The following DNAJC27 variants were observed in gnomAD, a reference collection of about 807,000 sequenced individuals.
DNAJC27 encodes dnaJ homolog subfamily C member 27.
A neutral mutation model predicts 31.4 loss-of-function variants in DNAJC27; 25 were observed. That is an observed-to-expected ratio of 0.80 (90% CI 0.58 to 1.11). The LOEUF is 1.11. Among genes scored for constraint, DNAJC27 ranks in the 50% most tolerant of loss-of-function variants. The pLI is 0.00. For missense variants in DNAJC27, 356 were observed against 347.3 expected (o/e 1.02, Z -0.20); for synonymous variants, 106 against 112.7 (o/e 0.94, Z 0.37).
chr2:24,957,075 G>T lies in DNAJC27; in HGVS notation c.496C>A (p.Gln166Lys). ...ATCTCATTAATGCCTTCTCCAGTTTGTGCTGAAGTTTCAAAGTACAGGAAC... is the reference window on the plus strand; with the variant it reads ...ATCTCATTAATGCCTTCTCCAGTTTTTGCTGAAGTTTCAAAGTACAGGAAC... Reference protein sequence around the residue: ...KGFLYFETSAQTGEGINEMFQ... With the variant: ...KGFLYFETSAKTGEGINEMFQ... Residue 166 changes from glutamine to lysine, a missense_variant, in exon 5 of 7, where the codon CAA becomes AAA. Physicochemically the swap from Gln to Lys is moderately conservative, Grantham distance 53. Coordinates refer to ENST00000264711, the MANE Select transcript of DNAJC27 (RefSeq NM_016544.3). 6.2e-7 allele frequency: 1 copy of T among 1,610,008 alleles called. No homozygotes were observed. Among genetic ancestry groups the T allele is most frequent in the African/African-American group, 1.3e-5 (1 of 74,766 alleles).
intron 2 of DNAJC27, among the ~76,000 whole-genome samples, chr2:24,964,735 TA>T (rs1244979662): frequency 6.6e-6 from 1 of 152,210 alleles, no homozygotes; most frequent in African/African-American, 2.4e-5. Context: ...AGAAACAAAA[TA>T]GTCTGTTGAC....
chr2:24,964,919 A>C (rs1243699404), intron 2 of DNAJC27, among the ~76,000 whole-genome samples: 1 of 152,138 alleles, frequency 6.6e-6, no homozygotes, highest in Non-Finnish European at 1.5e-5. Flanking sequence ...AAGAAAGGTA[A>C]ATTTCAGGCT....
At chr2:24,967,156 T>G in intron 2 of DNAJC27, 55 bp downstream of exon 2, 2 of 1,371,292 alleles carry the variant, frequency 1.5e-6, no homozygotes, top group Non-Finnish European at 2.1e-6. Context: ...TGGATCATTT[T>G]GGAAAGTTCT....
rs1665588486 is a variant in DNAJC27 at position 24,944,073 on chromosome 2, T to G, written c.*3543A>C. 1 of 152,248 alleles carries G rather than the reference T, an allele frequency of 6.6e-6. No individual in the cohort carries two copies. Among genetic ancestry groups the G allele is most frequent in the Admixed American group, 6.5e-5 (1 of 15,282 alleles). The allele number at this position is 152,248 out of a possible 1,614,324, so 9.4% of individuals were successfully genotyped here. A position where few individuals can be genotyped will look rare whatever the true frequency, so the allele number is the denominator to read the frequency against. ...ATACCAATTATGAGAAGTACGAACC[T>G]CTCTTCACTTTGCAAAGCTTGCAAT... On this transcript the variant is annotated 3_prime_UTR_variant, in exon 7 of 7. Coordinates refer to ENST00000264711, the MANE Select transcript of DNAJC27 (RefSeq NM_016544.3).
Position 24,971,822 on chromosome 2 carries a change from C to A in DNAJC27, c.83G>T (p.Gly28Val), listed in dbSNP as rs1666348821. Reference protein sequence around the residue: ...KVISMGNAEVGKSCIIKRYCE... With the variant: ...KVISMGNAEVVKSCIIKRYCE... ...CTCCCGGCTCGCTGTACTCACTTTCCCCACTTCGGCGTTGCCCATGGAGAT... is the reference window on the plus strand; with the variant it reads ...CTCCCGGCTCGCTGTACTCACTTTCACCACTTCGGCGTTGCCCATGGAGAT... Residue 28 changes from glycine to valine, a missense_variant, in exon 1 of 7, where the codon GGG (glycine) becomes GTG (valine). Transcript: ENST00000264711. 6.2e-7 allele frequency: 1 copy of A among 1,608,722 alleles called. No individual in the cohort carries two copies. Among genetic ancestry groups the A allele is most frequent in the Non-Finnish European group, 8.5e-7 (1 of 1,178,170 alleles).
chr2:24,949,931 A>G (rs1209770676), intron 6 of DNAJC27, among the ~76,000 whole-genome samples: 3 of 150,866 alleles, frequency 2.0e-5, no homozygotes, highest in African/African-American at 7.3e-5. Context: ...CTGAAACCCT[A>G]CTGGCTTTTT....
intron 5 of DNAJC27, among the ~76,000 whole-genome samples, chr2:24,954,453 A>T (rs977417305): frequency 6.6e-6 from 1 of 152,346 alleles, no homozygotes; most frequent in African/African-American, 2.4e-5. Context: ...AGCTGACAAG[A>T]TCTGCAAAAG....
intron 6 of DNAJC27, 75 bp from the exon 7 acceptor site, chr2:24,947,823 C>G (rs1665683215): frequency 5.9e-6 from 9 of 1,513,730 alleles, no homozygotes; most frequent in Non-Finnish European, 8.1e-6. Flanking sequence ...TTTGGACACA[C>G]ATAGTATCTC....
In DNAJC27 at chr2:24,971,926, AC is replaced by A. The variant is rs2149134913; in HGVS notation, c.-23del. The stretch of plus-strand genomic sequence containing the variant: ...CCATGGCCCTGGCTCTCTCGGGGCC[AC>A]CCGCCTCGGTCTCTTCTTGTGCACC... On this transcript the variant is annotated 5_prime_UTR_variant, in exon 1 of 7. Transcript: ENST00000264711. 6.5e-7 allele frequency: 1 copy of A among 1,532,376 alleles called. No homozygotes were observed. Among genetic ancestry groups the A allele is most frequent in the East Asian group, 2.5e-5 (1 of 39,318 alleles). The allele number at this position is 1,532,376 out of a possible 1,614,324, so 94.9% of individuals were successfully genotyped here.
At chr2:24,961,577 G>C (rs182971633) in intron 3 of DNAJC27, among the ~76,000 whole-genome samples, 1 of 151,806 alleles carries the variant, frequency 6.6e-6, no homozygotes, top group Non-Finnish European at 1.5e-5. Context: ...AAGAACATTC[G>C]TGATTCAGGG....
In DNAJC27 at chr2:24,957,104, T is replaced by C; in HGVS notation, c.467A>G (p.Lys156Arg). The change falls in exon 5 of 7, where the codon AAA (lysine) becomes AGA (arginine). Residue 156 changes from lysine (K) to arginine (R), a missense_variant. Coordinates refer to ENST00000264711, the MANE Select transcript of DNAJC27 (RefSeq NM_016544.3). ...ESEGRLWAES[K>R]GFLYFETSAQ... is the part of the protein sequence containing the mutation. ...TGAAGTTTCAAAGTACAGGAACCCT[T>C]TGCTTTCAGCCCAAAGACGTCCTTC... 6.2e-7 allele frequency: 1 copy of C among 1,610,672 alleles called. No individual in the cohort carries two copies. Among genetic ancestry groups the C allele is most frequent in the South Asian group, 1.1e-5 (1 of 90,490 alleles).
chr2:24,969,100 T>C (rs1573120280), intron 1 of DNAJC27: 1 of 179,620 alleles, frequency 5.6e-6, no homozygotes, highest in Admixed American at 5.7e-5. Context: ...AATAACTACT[T>C]CTTAATTAAA....
chr2:24,966,449 T>C (rs1156356792), intron 2 of DNAJC27, among the ~76,000 whole-genome samples: 1 of 152,148 alleles, frequency 6.6e-6, no homozygotes, highest in East Asian at 1.9e-4. Context: ...CAACTTTACT[T>C]TTCCCAATTC....
chr2:24,971,912 GCT>G lies in DNAJC27; in HGVS notation c.-10_-9del, dbSNP rs2149134885. On this transcript the variant is annotated 5_prime_UTR_variant, in exon 1 of 7. Coordinates refer to ENST00000264711, the MANE Select transcript of DNAJC27 (RefSeq NM_016544.3). ...CGGCATGTTGGCCTCCATGGCCCTG[GCT>G]CTCTCGGGGCCACCCGCCTCGGTCT... 1 of 1,575,808 alleles carries G rather than the reference GCT, an allele frequency of 6.3e-7. No individual in the cohort carries two copies. The highest frequency in any genetic ancestry group is 1.8e-5 in the Admixed American group (1 of 55,584).
chr2:24,968,463 C>A (rs1233598453), intron 1 of DNAJC27, among the ~76,000 whole-genome samples: 2 of 151,692 alleles, frequency 1.3e-5, no homozygotes, highest in East Asian at 3.8e-4. Flanking sequence ...AAAAGTTACA[C>A]TTAAATCTTT....
chr2:24,958,992 G>A (rs757577595), intron 3 of DNAJC27, among the ~76,000 whole-genome samples: 3 of 152,170 alleles, frequency 2.0e-5, no homozygotes, highest in Non-Finnish European at 4.4e-5. Flanking sequence ...TCTGGGCATA[G>A]GCAGATATCT....
rs1665970331 is a variant in DNAJC27 at position 24,958,718 on chromosome 2, C to T, written c.241-744G>A. ...AAAACAATGTCTATTTAACACCTTCCCCTTCCTTCCTTGCATTCATTCTCT... is the reference window on the plus strand; with the variant it reads ...AAAACAATGTCTATTTAACACCTTCTCCTTCCTTCCTTGCATTCATTCTCT... On this transcript the variant is annotated intron_variant, in intron 3 of 6. Coordinates refer to ENST00000264711, the MANE Select transcript of DNAJC27 (RefSeq NM_016544.3). 5 of 170,806 alleles carry T rather than the reference C, an allele frequency of 2.9e-5. No individual in the cohort carries two copies. The South Asian group carries it at 6.1e-4, about 21-fold the overall frequency. The allele number at this position is 170,806 out of a possible 1,614,324, so 10.6% of individuals were successfully genotyped here.
At position 24,971,831 on chromosome 2, in the gene DNAJC27, G is replaced by A; in HGVS notation, c.74C>T (p.Ala25Val). The change falls in exon 1 of 7, where the codon GCC (alanine) becomes GTC (valine). Residue 25 changes from alanine to valine, a missense_variant. By Grantham distance (64) the Ala-to-Val change is moderately conservative. Transcript: ENST00000264711. ...LRIKVISMGN[A>V]EVGKSCIIKR... Reference sequence around the variant, plus strand: ...CGCTGTACTCACTTTCCCCACTTCGGCGTTGCCCATGGAGATGACTTTGAT... The same window carrying A: ...CGCTGTACTCACTTTCCCCACTTCGACGTTGCCCATGGAGATGACTTTGAT... The A allele has an allele frequency of 6.2e-7, 1 of 1,609,234 alleles. No homozygotes were observed. Among genetic ancestry groups the A allele is most frequent in the Non-Finnish European group, 8.5e-7 (1 of 1,178,302 alleles).
chr2:24,958,604 G>A, intron 3 of DNAJC27: 2 of 408,142 alleles, frequency 4.9e-6, no homozygotes, highest in Non-Finnish European at 1.0e-5. Flanking sequence ...TTCCTCATCT[G>A]TAAAATGGGG....
Sources: gnomAD v4.1 joint callset for allele counts (sites outside exome capture counted in the v4.1 genomes callset) on GRCh38, gnomAD v4.1.1 for gene constraint, MANE v1.5 for transcripts, NCBI Gene and HGNC (gene_info 2026-07-23, HGNC 2026-07-21) for gene names.